ADAMTS3: variants seen among roughly 807,000 people sequenced by gnomAD.
The protein encoded by ADAMTS3 is ADAM metallopeptidase with thrombospondin type 1 motif 3, also known as A disintegrin and metalloproteinase with thrombospondin motifs 3.
Under a neutral mutation model 129.0 loss-of-function variants are expected in ADAMTS3, and 73 were observed. The ratio of observed to expected loss-of-function variants is 0.57; its 90% CI spans 0.47 to 0.69. ADAMTS3 has a LOEUF of 0.69. Ranked by LOEUF, ADAMTS3 falls within the 30% of genes least tolerant of loss-of-function variation. The pLI is 0.00. For missense variants in ADAMTS3, 1,457 were observed against 1,514.5 expected, an observed-to-expected ratio of 0.96 and a Z score of 0.63; for synonymous variants, 477 against 510.8, an observed-to-expected ratio of 0.93 and a Z score of 0.89.
chr4:72,436,222 G>A (rs1318101791), intron 3 of ADAMTS3, among the ~76,000 whole-genome samples: 1 of 152,112 alleles, frequency 6.6e-6, no homozygotes, highest in Non-Finnish European at 1.5e-5. Flanking sequence ...CTCAAAAGAA[G>A]ATATTTATGC....
At chr4:72,314,338 T>C (rs923786816) in intron 11 of ADAMTS3, among the ~76,000 whole-genome samples, 5 of 152,192 alleles carry the variant, frequency 3.3e-5, no homozygotes, top group Admixed American at 2.0e-4. Context: ...GAGAGATAGA[T>C]GGGTCATACA....
intron 4 of ADAMTS3, among the ~76,000 whole-genome samples, chr4:72,374,733 A>G (rs1215331143): frequency 6.6e-6 from 1 of 152,204 alleles, no homozygotes; most frequent in East Asian, 1.9e-4. Flanking sequence ...TTGGTTTAAA[A>G]TACTGTGAAA....
rs74358681 is a variant in ADAMTS3, at chr4:72,290,228, A to G, written c.2931+627T>C. Among the ~76,000 whole-genome samples the G allele has an allele frequency of 9.5e-3, 1,448 of 152,310 alleles. 29 individuals carry two copies. The highest frequency in any genetic ancestry group is 0.012 in the Non-Finnish European group (796 of 68,032). On this transcript the variant is annotated intron_variant, in intron 20 of 21. Transcript: ENST00000286657. ...TTGAGAAATGTGTGTACTAGTGGCA[A>G]ATATAGATTCAAGAATCAGAGTTAT... is the stretch of plus-strand genomic sequence containing the variant.
intron 3 of ADAMTS3, among the ~76,000 whole-genome samples, chr4:72,528,938 T>A (rs1402068323): frequency 6.6e-6 from 1 of 152,064 alleles, no homozygotes; most frequent in African/African-American, 2.4e-5. Context: ...ACATAAAAAA[T>A]TTAAGATAAA....
At chr4:72,521,638 C>CGAGG (rs1720674121) in intron 3 of ADAMTS3, among the ~76,000 whole-genome samples, 1 of 152,032 alleles carries the variant, frequency 6.6e-6, no homozygotes, top group Non-Finnish European at 1.5e-5. Flanking sequence ...GAAACATCCT[C>CGAGG]GAAAGTGACT....
At chr4:72,477,960 T>C (rs2110001478) in intron 3 of ADAMTS3, among the ~76,000 whole-genome samples, 1 of 152,202 alleles carries the variant, frequency 6.6e-6, no homozygotes, top group Admixed American at 6.5e-5. Flanking sequence ...GATAAATTCT[T>C]CGACACATAC....
intron 3 of ADAMTS3, among the ~76,000 whole-genome samples, chr4:72,501,000 G>C (rs1187483553): frequency 6.6e-6 from 1 of 152,166 alleles, no homozygotes; most frequent in Non-Finnish European, 1.5e-5. Context: ...GTACCATGCT[G>C]TTTTAGTTAC....
intron 4 of ADAMTS3, among the ~76,000 whole-genome samples, chr4:72,404,155 C>T (rs561563183): frequency 1.3e-5 from 2 of 152,066 alleles, no homozygotes; most frequent in South Asian, 2.1e-4. Flanking sequence ...TTTTTACGGA[C>T]ATAGAAAAAA....
chr4:72,536,266 G>A (rs2109771422), intron 3 of ADAMTS3, among the ~76,000 whole-genome samples: 1 of 152,272 alleles, frequency 6.6e-6, no homozygotes, highest in African/African-American at 2.4e-5. Flanking sequence ...CTCTTCAGGA[G>A]AGCAGAGATT....
intron 4 of ADAMTS3, among the ~76,000 whole-genome samples, chr4:72,406,796 TTTATGTGTTTCAAA>T (rs1722063573): frequency 6.6e-6 from 1 of 152,224 alleles, no homozygotes; most frequent in Non-Finnish European, 1.5e-5. Flanking sequence ...TTTTGTCCAA[TTTATGTGTTTCAAA>T]CTGCAAATCT....
rs1394998573 is a variant in ADAMTS3, at chr4:72,313,650, T to C, written c.1745+27A>G. On this transcript the variant is annotated intron_variant, in intron 12 of 21. Coordinates refer to ENST00000286657, the MANE Select transcript of ADAMTS3 (RefSeq NM_014243.3). ...AAGTATTTTCTGGTCTCTCCAAAAA[T>C]AACAAGAGTTACAAGGATATACTCA... 6 of 1,609,038 alleles carry C rather than the reference T, an allele frequency of 3.7e-6. No homozygotes were observed. The East Asian group carries it at 9.0e-5, about 24-fold the overall frequency.
chr4:72,356,718 C>T (rs949274633), intron 4 of ADAMTS3, among the ~76,000 whole-genome samples: 2 of 151,564 alleles, frequency 1.3e-5, no homozygotes, highest in Non-Finnish European at 3.0e-5. Flanking sequence ...AACCAATACA[C>T]AAAATTACTT....
chr4:72,501,442 GCTA>G (rs1449340682), intron 3 of ADAMTS3, among the ~76,000 whole-genome samples: 1 of 152,028 alleles, frequency 6.6e-6, no homozygotes, highest in African/African-American at 2.4e-5. Flanking sequence ...ATATAGAAAT[GCTA>G]CTAATTTTTA....
At chr4:72,508,560 G>A (rs1720225281) in intron 3 of ADAMTS3, among the ~76,000 whole-genome samples, 1 of 151,956 alleles carries the variant, frequency 6.6e-6, no homozygotes, top group Non-Finnish European at 1.5e-5. Context: ...TTGAATTTTC[G>A]AAGGAATGTT....
chr4:72,440,902 AT>A, intron 3 of ADAMTS3, among the ~76,000 whole-genome samples: 1 of 151,704 alleles, frequency 6.6e-6, no homozygotes, highest in Middle Eastern at 3.2e-3. Context: ...TGTGTATGTC[AT>A]TTTTTATCTA....
chr4:72,298,856 A>C (rs1213659922), intron 17 of ADAMTS3, among the ~76,000 whole-genome samples: 3 of 151,876 alleles, frequency 2.0e-5, no homozygotes, highest in South Asian at 4.1e-4. Flanking sequence ...TGAATTTTTA[A>C]ATTTAAAAAT....
chr4:72,568,522 C>A (rs1722080137), intron 1 of ADAMTS3, among the ~76,000 whole-genome samples, 172 bp downstream of exon 1: 1 of 152,112 alleles, frequency 6.6e-6, no homozygotes, highest in Non-Finnish European at 1.5e-5. Flanking sequence ...AACCCTCTAC[C>A]CCCAAAAGCC....
chr4:72,567,456 C>T, intron 1 of ADAMTS3, 55 bp from the exon 2 acceptor site: 1 of 1,555,060 alleles, frequency 6.4e-7, no homozygotes, highest in Non-Finnish European at 8.9e-7. Flanking sequence ...CATCTTATCA[C>T]CTTGTGAGTT....
chr4:72,484,739 G>C (rs1423794269), intron 3 of ADAMTS3, among the ~76,000 whole-genome samples: 6 of 152,168 alleles, frequency 3.9e-5, no homozygotes, highest in African/African-American at 7.2e-5. Context: ...GGTGAGGGTG[G>C]CTGCTATTGC....
Sources: gnomAD v4.1 joint callset for allele counts (sites outside exome capture counted in the v4.1 genomes callset) on GRCh38, gnomAD v4.1.1 for gene constraint, MANE v1.5 for transcripts, NCBI Gene and HGNC (gene_info 2026-07-23, HGNC 2026-07-21) for gene names.